Variants in TMC1 observed in about 807,000 individuals in gnomAD.
The protein encoded by TMC1 is transmembrane channel-like protein 1.
In TMC1, 84 loss-of-function variants were observed where a neutral mutation model predicts 105.8. That is an observed-to-expected ratio of 0.79 (90% CI 0.67 to 0.95). The LOEUF (loss-of-function observed/expected upper bound fraction) is 0.95, where lower values mean the gene tolerates loss of function less well. Ranked by LOEUF, TMC1 falls within the 40% of genes least tolerant of loss-of-function variation. The probability of loss-of-function intolerance (pLI) is 0.00; values close to 1 mark genes in which losing one functional copy is unlikely to be tolerated. For synonymous variants in TMC1, 315 were observed against 311.5 expected (o/e 1.01, Z -0.12); for missense variants, 817 against 914.1 (o/e 0.89, Z 1.37).
intron 1 of TMC1, among the ~76,000 whole-genome samples, chr9:72,544,530 A>C (rs150800341): frequency 0.012 from 1,561 of 131,736 alleles, 33 homozygotes; most frequent in African/African-American, 0.044. Context: ...TCCAGGCTGG[A>C]GTGCAGTGGT....
Position 72,830,697 on chromosome 9 carries a change from TATGTTTGTA to T in TMC1, c.2260+27_2260+35del, listed in dbSNP as rs763423820. On this transcript the variant is annotated intron_variant, in intron 23 of 23. Coordinates refer to ENST00000297784, the MANE Select transcript of TMC1 (RefSeq NM_138691.3). ...TGCACGAGCAGGTTGGAGATACGTT[TATGTTTGTA>T]ATGTTTGTAATTTTTCTTTTTCTTT... 6.2e-6 allele frequency: 10 copies of T among 1,610,020 alleles called. No homozygotes were observed. The highest frequency in any genetic ancestry group is 8.5e-6 in the Non-Finnish European group (10 of 1,177,904).
intron 3 of TMC1, among the ~76,000 whole-genome samples, chr9:72,620,139 A>T (rs982986901): frequency 6.6e-6 from 1 of 152,134 alleles, no homozygotes. Context: ...GGCCTAATTT[A>T]AAAAATTTTT....
At chr9:72,629,407 G>A (rs1336810558) in intron 4 of TMC1, among the ~76,000 whole-genome samples, 4 of 152,030 alleles carry the variant, frequency 2.6e-5, no homozygotes, top group Non-Finnish European at 4.4e-5. Context: ...CTCCAGTCAC[G>A]GTGATAAATA....
intron 11 of TMC1, among the ~76,000 whole-genome samples, 189 bp downstream of exon 11, chr9:72,752,145 T>C (rs1827590255): frequency 6.6e-6 from 1 of 151,944 alleles, no homozygotes; most frequent in African/African-American, 2.4e-5. Context: ...CTAAAGGGGG[T>C]GTAAGCCTCT....
intron 2 of TMC1, among the ~76,000 whole-genome samples, chr9:72,597,458 A>C (rs1277829471): frequency 6.6e-6 from 1 of 152,216 alleles, no homozygotes; most frequent in Non-Finnish European, 1.5e-5. Flanking sequence ...CCATTAGATT[A>C]AGGTTGAAGA....
chr9:72,775,682 G>A (rs1278795953), intron 13 of TMC1, among the ~76,000 whole-genome samples: 1 of 152,124 alleles, frequency 6.6e-6, no homozygotes, highest in African/African-American at 2.4e-5. Flanking sequence ...TGCTATAAAG[G>A]AATACCTGAG....
At chr9:72,546,335 G>A (rs1391061050) in intron 1 of TMC1, among the ~76,000 whole-genome samples, 1 of 152,088 alleles carries the variant, frequency 6.6e-6, no homozygotes, top group African/African-American at 2.4e-5. Flanking sequence ...TGGAAAAACT[G>A]CTGAAATTTT....
intron 4 of TMC1, 34 bp downstream of exon 4, chr9:72,628,097 T>C: frequency 2.2e-6 from 1 of 455,608 alleles, no homozygotes; most frequent in Non-Finnish European, 4.4e-6. Context: ...TGAGCACGTT[T>C]TGGTGCCTAG....
intron 2 of TMC1, among the ~76,000 whole-genome samples, chr9:72,609,179 C>CCCTCCCTTCCTTCCTTCCTT (rs1461633849): frequency 4.0e-4 from 54 of 136,166 alleles, no homozygotes; most frequent in African/African-American, 1.4e-3. Context: ...CTTCCTCCTT[C>CCCTCCCTTCCTTCCTTCCTT]CCTTCCTTCC....
At chr9:72,523,793 CAG>C (rs1480342849) in intron 1 of TMC1, among the ~76,000 whole-genome samples, 1 of 151,792 alleles carries the variant, frequency 6.6e-6, no homozygotes. Context: ...CTGACTTGTT[CAG>C]AGTCAACTGT....
intron 13 of TMC1, among the ~76,000 whole-genome samples, chr9:72,782,414 C>T (rs959061555): frequency 6.6e-6 from 1 of 152,152 alleles, no homozygotes; most frequent in African/African-American, 2.4e-5. Flanking sequence ...CAAGGATACC[C>T]ACCCTCACTA....
intron 8 of TMC1, among the ~76,000 whole-genome samples, chr9:72,707,085 T>C (rs1327488803): frequency 2.0e-5 from 3 of 152,176 alleles, no homozygotes; most frequent in African/African-American, 7.2e-5. Context: ...CAAATGCCAA[T>C]ATTTCACTCC....
At position 72,640,322 on chromosome 9, in the gene TMC1, T is replaced by C. The variant is rs566722370; in HGVS notation, c.-52-8275T>C. On this transcript the variant is annotated intron_variant, in intron 4 of 23. Transcript: ENST00000297784. ...TATGTGATGTGGAGGATAAATTTTA[T>C]GGTCGCCAATCCTTTATTGTAAAGA... 1.3e-3 allele frequency among the ~76,000 whole-genome samples: 199 copies of C among 152,352 alleles called. 1 individual carries two copies. Among genetic ancestry groups the C allele is most frequent in the Non-Finnish European group, 2.2e-3 (152 of 68,034 alleles).
chr9:72,595,097 C>T (rs996297103), intron 2 of TMC1, among the ~76,000 whole-genome samples: 4 of 152,050 alleles, frequency 2.6e-5, no homozygotes, highest in Non-Finnish European at 5.9e-5. Context: ...AACTCCTGAC[C>T]TCAGGTGATC....
chr9:72,685,977 C>G (rs541342869), intron 5 of TMC1, among the ~76,000 whole-genome samples: 38 of 152,288 alleles, frequency 2.5e-4, no homozygotes, highest in Middle Eastern at 3.4e-3. Flanking sequence ...AGCCCCAGAA[C>G]AACATCCACT....
chr9:72,835,218 C>T (rs932626300), intron 23 of TMC1, among the ~76,000 whole-genome samples: 11 of 152,170 alleles, frequency 7.2e-5, no homozygotes, highest in Non-Finnish European at 1.3e-4. Context: ...GTATTTACCT[C>T]CGCAGTTTAG....
intron 1 of TMC1, among the ~76,000 whole-genome samples, chr9:72,552,875 C>CATA (rs1823879043): frequency 6.6e-6 from 1 of 152,092 alleles, no homozygotes; most frequent in African/African-American, 2.4e-5. Context: ...TATCTTCTTT[C>CATA]TATATATGAT....
chr9:72,809,289 A>G (rs905106765), intron 18 of TMC1, among the ~76,000 whole-genome samples: 11 of 152,210 alleles, frequency 7.2e-5, no homozygotes, highest in Admixed American at 1.3e-4. Context: ...TTTATTATTT[A>G]TTGACTGCTG....
chr9:72,647,761 G>T (rs150231002), intron 4 of TMC1, among the ~76,000 whole-genome samples: 1 of 141,052 alleles, frequency 7.1e-6, no homozygotes, highest in East Asian at 2.0e-4. Context: ...CAGTATAAAT[G>T]TGCCACCAGG....
Sources: allele counts gnomAD v4.1 joint callset (sites outside exome capture counted in the v4.1 genomes callset), GRCh38; gene constraint gnomAD v4.1.1; transcripts MANE v1.5; gene names NCBI Gene and HGNC (gene_info 2026-07-23, HGNC 2026-07-21).